The following CCDC171 variants were observed in gnomAD, a reference collection of about 807,000 sequenced individuals.
CCDC171 encodes the protein coiled-coil domain-containing protein 171.
CCDC171 carries 177 observed loss-of-function variants against 168.2 expected under a neutral mutation model. That is an observed-to-expected ratio of 1.05 (90% CI 0.93 to 1.19). The LOEUF is 1.19. Ranked by LOEUF, CCDC171 falls within the 50% of genes most tolerant of loss-of-function variation. The pLI is 0.00. For missense variants in CCDC171, 1,991 were observed against 1,539.0 expected, an observed-to-expected ratio of 1.29 and a Z score of -4.91; for synonymous variants, 687 against 540.8, an observed-to-expected ratio of 1.27 and a Z score of -3.75.
In CCDC171 at chr9:15,628,881, G is replaced by A. The variant is rs556585960; in HGVS notation, c.822+5468G>A. Among the ~76,000 whole-genome samples the A allele has an allele frequency of 1.4e-3, 217 of 152,246 alleles. 1 individual carries two copies. Among genetic ancestry groups the A allele is most frequent in the African/African-American group, 4.4e-3 (182 of 41,534 alleles). On this transcript the variant is annotated intron_variant, in intron 7 of 25. Transcript: ENST00000380701. ...CAGCATTAACGGTTCACGAAAATCC[G>A]CTGTTCTGCAGCCACCGCTGCTGGT... is the stretch of plus-strand genomic sequence containing the variant.
intron 7 of CCDC171, among the ~76,000 whole-genome samples, chr9:15,651,793 T>A (rs928506565): frequency 6.6e-6 from 1 of 152,224 alleles, no homozygotes; most frequent in Non-Finnish European, 1.5e-5. Flanking sequence ...CTATTGTGAA[T>A]AGTGTTGTAA....
At chr9:15,646,276 C>G (rs117363227) in intron 7 of CCDC171, among the ~76,000 whole-genome samples, 3 of 152,236 alleles carry the variant, frequency 2.0e-5, no homozygotes, top group East Asian at 3.9e-4. Flanking sequence ...AAAACTGATA[C>G]GAGCCCCTGC....
intron 21 of CCDC171, among the ~76,000 whole-genome samples, chr9:15,829,874 T>G (rs1477740484): frequency 6.6e-6 from 1 of 152,136 alleles, no homozygotes; most frequent in Admixed American, 6.6e-5. Context: ...GAACCATGAT[T>G]GTGCCACTGC....
the CCDC171 span, among the ~76,000 whole-genome samples, chr9:16,078,008 T>C: frequency 2.0e-5 from 3 of 151,672 alleles, no homozygotes; most frequent in Non-Finnish European, 2.9e-5. Context: ...ATTATATACT[T>C]GAAATTTGCC....
the CCDC171 span, among the ~76,000 whole-genome samples, chr9:16,080,900 G>C: frequency 6.6e-6 from 1 of 152,156 alleles, no homozygotes; most frequent in East Asian, 1.9e-4. Flanking sequence ...TGTTTTTGCT[G>C]ATGTGGGGCA....
In CCDC171 at chr9:15,557,957, A is replaced by C. The variant is rs2038949155; in HGVS notation, c.-112+4655A>C. On this transcript the variant is annotated intron_variant, in intron 1 of 25. Coordinates refer to ENST00000380701, the MANE Select transcript of CCDC171 (RefSeq NM_173550.4). ...GAGTTTTTAGCATGAAGTGTTGTTG[A>C]ATTTTGTCAAAGGCCTTTTCTGCAT... Among the ~76,000 whole-genome samples the C allele has an allele frequency of 5.3e-5, 8 of 152,062 alleles. 1 individual carries two copies. The South Asian group carries it at 1.7e-3, about 32-fold the overall frequency.
At chr9:16,042,475 C>T (rs1041937037), upstream of CCDC171, among the ~76,000 whole-genome samples, 7 of 152,104 alleles carry the variant, frequency 4.6e-5, no homozygotes, top group South Asian at 2.1e-4. Context: ...CCAGGGACCT[C>T]GAGGAAATCA....
chr9:15,916,084 T>C (rs1033698901), intron 24 of CCDC171, among the ~76,000 whole-genome samples: 5 of 151,984 alleles, frequency 3.3e-5, no homozygotes, highest in African/African-American at 1.2e-4. Flanking sequence ...TAATAAATAG[T>C]AACTTTTATT....
chr9:15,827,942 A>G (rs191151920), intron 21 of CCDC171, among the ~76,000 whole-genome samples: 5 of 152,336 alleles, frequency 3.3e-5, no homozygotes, highest in Admixed American at 3.3e-4. Flanking sequence ...ATTTCTTAGA[A>G]TCCATTTTTA....
At chr9:15,905,706 A>T (rs923021957) in intron 24 of CCDC171, among the ~76,000 whole-genome samples, 2 of 152,142 alleles carry the variant, frequency 1.3e-5, no homozygotes, top group African/African-American at 4.8e-5. Flanking sequence ...GACACAAAAA[A>T]CCCTTCAAAA....
At chr9:15,652,582 C>A (rs953063282) in intron 7 of CCDC171, among the ~76,000 whole-genome samples, 2 of 152,068 alleles carry the variant, frequency 1.3e-5, no homozygotes, top group African/African-American at 2.4e-5. Context: ...AGGTGGCCAC[C>A]ACCACACTTG....
At chr9:15,608,200 C>G (rs2043362695) in intron 6 of CCDC171, among the ~76,000 whole-genome samples, 1 of 152,158 alleles carries the variant, frequency 6.6e-6, no homozygotes, top group Admixed American at 6.5e-5. Flanking sequence ...TGACCCAGTC[C>G]TCTCTTAAAG....
chr9:16,089,121 T>C, the CCDC171 span, among the ~76,000 whole-genome samples: 3 of 152,146 alleles, frequency 2.0e-5, no homozygotes, highest in Admixed American at 2.0e-4. Flanking sequence ...AAATATTCCC[T>C]ATTTAATAAA....
At chr9:15,699,887 A>G (rs1234162467) in intron 11 of CCDC171, among the ~76,000 whole-genome samples, 1 of 152,118 alleles carries the variant, frequency 6.6e-6, no homozygotes, top group Non-Finnish European at 1.5e-5. Context: ...ACCTTGAGCT[A>G]GATACAGAGT....
chr9:15,676,280 T>C (rs1247444392), intron 9 of CCDC171, among the ~76,000 whole-genome samples: 1 of 152,180 alleles, frequency 6.6e-6, no homozygotes, highest in East Asian at 1.9e-4. Context: ...TCGCCTGACC[T>C]TTTTGCAAGG....
At chr9:15,842,139 T>G (rs1215312368) in intron 21 of CCDC171, among the ~76,000 whole-genome samples, 1 of 152,072 alleles carries the variant, frequency 6.6e-6, no homozygotes, top group African/African-American at 2.4e-5. Context: ...GCCTTTCATT[T>G]TGTATGACTA....
At chr9:15,700,188 G>A (rs770797678) in intron 11 of CCDC171, among the ~76,000 whole-genome samples, 2 of 152,224 alleles carry the variant, frequency 1.3e-5, no homozygotes, top group Non-Finnish European at 2.9e-5. Context: ...CCTGCCCCAC[G>A]GGAAGGCAGC....
At chr9:15,721,732 CTTTAAGGGTATATT>C in intron 11 of CCDC171, 23 bp from the exon 12 acceptor site, 1 of 1,243,330 alleles carries the variant, frequency 8.0e-7, no homozygotes, top group Non-Finnish European at 1.1e-6. Flanking sequence ...CCCTTTGTGA[CTTTAAGGGTATATT>C]TTCATCCTAT....
In CCDC171 at chr9:15,610,444, T is replaced by TAAAAAAAAAAAAA. The variant is rs754593075; in HGVS notation, c.676-12798_676-12786dup. ...CAACATGGTGAAACCCCATCTCAAC[T>TAAAAAAAAAAAAA]AAAAAAAAAAAAAAAAAAAAAAAAA... On this transcript the variant is annotated intron_variant, in intron 6 of 25. Coordinates refer to ENST00000380701, the MANE Select transcript of CCDC171 (RefSeq NM_173550.4). Among the ~76,000 whole-genome samples the TAAAAAAAAAAAAA allele has an allele frequency of 1.3e-3, 16 of 12,722 alleles. 5 individuals are homozygous for TAAAAAAAAAAAAA. Among genetic ancestry groups the TAAAAAAAAAAAAA allele is most frequent in the Admixed American group, 2.8e-3 (2 of 704 alleles). 8.3% of individuals were successfully genotyped at this position (12,722 alleles called of 152,430 possible). A position where few individuals can be genotyped will look rare whatever the true frequency, so the allele number is the denominator to read the frequency against.
Sources: allele counts gnomAD v4.1 joint callset (sites outside exome capture counted in the v4.1 genomes callset), GRCh38; gene constraint gnomAD v4.1.1; transcripts MANE v1.5; gene names NCBI Gene and HGNC (gene_info 2026-07-23, HGNC 2026-07-21).